RXRG: variants seen among roughly 807,000 people sequenced by gnomAD.
RXRG encodes retinoic acid receptor RXR-gamma.
Under a neutral mutation model 49.2 loss-of-function variants are expected in RXRG, and 19 were observed. That is an observed-to-expected ratio of 0.39 (90% CI 0.27 to 0.57). RXRG has a LOEUF of 0.57. Ranked by LOEUF, RXRG falls within the 20% of genes least tolerant of loss-of-function variation. The pLI, the probability that RXRG is intolerant of heterozygous loss-of-function variation, is 0.64. For synonymous variants in RXRG, 224 were observed against 216.6 expected (o/e 1.03, Z -0.30); for missense variants, 452 against 592.5 (o/e 0.76, Z 2.46).
At chr1:165,415,042 A>C (rs925669576) in intron 4 of RXRG, among the ~76,000 whole-genome samples, 1 of 152,246 alleles carries the variant, frequency 6.6e-6, no homozygotes, top group Non-Finnish European at 1.5e-5. Flanking sequence ...AAACAAGATA[A>C]GTACAAGTGT....
chr1:165,444,176 C>G lies in RXRG; in HGVS notation c.49+669G>C, dbSNP rs555847398. 3.9e-5 allele frequency among the ~76,000 whole-genome samples: 6 copies of G among 152,266 alleles called. No homozygotes were observed. In the South Asian group the frequency reaches 8.3e-4, roughly 21 times the overall value. Reference sequence around the variant, plus strand: ...CCAATTCTCTAAGAGCCCCAACCCCCCATCCCCAGATCTCTACCCCCAGAG... The same window carrying G: ...CCAATTCTCTAAGAGCCCCAACCCCGCATCCCCAGATCTCTACCCCCAGAG... On this transcript the variant is annotated intron_variant, in intron 1 of 9. Coordinates refer to ENST00000359842, the MANE Select transcript of RXRG (RefSeq NM_006917.5).
At chr1:165,438,559 G>A (rs1024128974) in intron 1 of RXRG, among the ~76,000 whole-genome samples, 1 of 152,146 alleles carries the variant, frequency 6.6e-6, no homozygotes, top group Non-Finnish European at 1.5e-5. Context: ...CCAATGATTG[G>A]TATGGAAATA....
chr1:165,433,388 C>T (rs921289098), intron 1 of RXRG, among the ~76,000 whole-genome samples: 1 of 152,188 alleles, frequency 6.6e-6, no homozygotes, highest in African/African-American at 2.4e-5. Flanking sequence ...TGACCCCTGG[C>T]CCCGCCATCT....
intron 1 of RXRG, among the ~76,000 whole-genome samples, chr1:165,440,183 T>C (rs1658937824): frequency 6.6e-6 from 1 of 152,226 alleles, no homozygotes; most frequent in Non-Finnish European, 1.5e-5. Context: ...GAGCTGGGAT[T>C]AAAATCCAGA....
At chr1:165,410,081 G>T (rs1657895427) in intron 6 of RXRG, among the ~76,000 whole-genome samples, 1 of 152,044 alleles carries the variant, frequency 6.6e-6, no homozygotes, top group Non-Finnish European at 1.5e-5. Flanking sequence ...ACCTAGTTTT[G>T]TTTCTTTGGC....
intron 4 of RXRG, among the ~76,000 whole-genome samples, chr1:165,414,569 T>C (rs1019483231): frequency 2.0e-5 from 3 of 152,220 alleles, no homozygotes; most frequent in Non-Finnish European, 2.9e-5. Context: ...ACTGTTACTG[T>C]TCCAAGTCAA....
chr1:165,438,622 C>T lies in RXRG; in HGVS notation c.49+6223G>A, dbSNP rs140444045. Among the ~76,000 whole-genome samples the T allele has an allele frequency of 1.7e-3, 253 of 152,266 alleles. 1 individual carries two copies. The highest frequency in any genetic ancestry group is 3.9e-3 in the African/African-American group (160 of 41,546). The stretch of plus-strand genomic sequence containing the variant: ...GGAATGTAAGGCATTATCTAGCAGA[C>T]GGAATAAACTTGGACCCAGGGGCCA... On this transcript the variant is annotated intron_variant, in intron 1 of 9. Coordinates refer to ENST00000359842, the MANE Select transcript of RXRG (RefSeq NM_006917.5).
intron 2 of RXRG, among the ~76,000 whole-genome samples, chr1:165,426,681 G>A (rs1658496809): frequency 1.3e-5 from 2 of 152,140 alleles, no homozygotes; most frequent in South Asian, 4.1e-4. Flanking sequence ...GTATTCAAAG[G>A]AGGCTTTGGG....
intron 1 of RXRG, among the ~76,000 whole-genome samples, chr1:165,435,615 C>T (rs892520314): frequency 6.6e-6 from 1 of 152,122 alleles, no homozygotes; most frequent in Non-Finnish European, 1.5e-5. Context: ...CAATTCTTAC[C>T]CTATGCTCTT....
chr1:165,405,564 C>G (rs1657717723), intron 9 of RXRG, among the ~76,000 whole-genome samples: 1 of 152,238 alleles, frequency 6.6e-6, no homozygotes, highest in South Asian at 2.1e-4. Context: ...GCCTCTCTGC[C>G]CCTCCACCTC....
At chr1:165,423,684 A>G (rs938606209) in intron 2 of RXRG, among the ~76,000 whole-genome samples, 51 of 97,732 alleles carry the variant, frequency 5.2e-4, no homozygotes, top group Non-Finnish European at 4.4e-4. Context: ...CCCCATTTCT[A>G]GGTGAGTGTG....
intron 1 of RXRG, among the ~76,000 whole-genome samples, chr1:165,442,691 G>A (rs913983761): frequency 1.3e-5 from 2 of 152,112 alleles, no homozygotes; most frequent in Admixed American, 1.3e-4. Flanking sequence ...TAAAATAGAG[G>A]GGAAGAAAAT....
chr1:165,437,341 T>C (rs1384265801), intron 1 of RXRG: 4 of 649,662 alleles, frequency 6.2e-6, no homozygotes, highest in Admixed American at 3.5e-5. Flanking sequence ...TTACAAGCTC[T>C]GATGTCTTCA....
At chr1:165,418,222 C>T in intron 3 of RXRG, among the ~76,000 whole-genome samples, 1 of 151,694 alleles carries the variant, frequency 6.6e-6, no homozygotes, top group East Asian at 1.9e-4. Flanking sequence ...TTTCAATTAC[C>T]CCAGGCAGGG....
chr1:165,404,862 G>A (rs1571262337), intron 9 of RXRG, among the ~76,000 whole-genome samples: 1 of 152,046 alleles, frequency 6.6e-6, no homozygotes, highest in Non-Finnish European at 1.5e-5. Flanking sequence ...CGGTTCAAGC[G>A]ATTCTCCTAC....
intron 3 of RXRG, among the ~76,000 whole-genome samples, chr1:165,419,452 G>A (rs942716399): frequency 5.3e-5 from 8 of 151,382 alleles, no homozygotes; most frequent in East Asian, 1.9e-4. Flanking sequence ...GTACAGTAGC[G>A]TGATCATGGC....
Position 165,411,104 on chromosome 1 carries a change from G to A in RXRG, c.628C>T (p.Gln210Ter), listed in dbSNP as rs1444550380. The A allele has an allele frequency of 6.2e-7, 1 of 1,613,684 alleles. No individual in the cohort carries two copies. The highest frequency in any genetic ancestry group is 2.2e-5 in the East Asian group (1 of 44,854). ...TCTCGGCTCCTCTGTCTTTCTTCTT[G>A]CACAGCTGACATGCAGCAGGACATG... ...LVMGMKREAV[Q>*]EERQRSRERA... Residue 210 changes from glutamine (Q) to a stop codon, truncating the protein, a stop_gained, in exon 5 of 10, where the codon CAA becomes TAA. Transcript: ENST00000359842. LOFTEE classifies it high-confidence loss of function.
intron 1 of RXRG, among the ~76,000 whole-genome samples, chr1:165,429,266 T>TAAGGA (rs1658597493): frequency 1.3e-5 from 2 of 152,098 alleles, no homozygotes; most frequent in Admixed American, 1.3e-4. Flanking sequence ...AGGGGCACAG[T>TAAGGA]CCAGAAGACC....
At chr1:165,437,084 T>C in intron 1 of RXRG, 1 of 1,341,598 alleles carries the variant, frequency 7.5e-7, no homozygotes, top group Non-Finnish European at 9.9e-7. Context: ...CCTTTTCATT[T>C]TACTGGTCAC....
Sources: allele counts gnomAD v4.1 joint callset (sites outside exome capture counted in the v4.1 genomes callset), GRCh38; gene constraint gnomAD v4.1.1; transcripts MANE v1.5; gene names NCBI Gene and HGNC (gene_info 2026-07-23, HGNC 2026-07-21).